GRM7: variants seen among roughly 807,000 people sequenced by gnomAD.
GRM7 encodes the protein glutamate metabotropic receptor 7.
A neutral mutation model predicts 84.5 loss-of-function variants in GRM7; 35 were observed. The observed-to-expected ratio is 0.41, with a 90% CI of 0.32 to 0.55. The LOEUF (loss-of-function observed/expected upper bound fraction) is 0.55. Among genes scored for constraint, GRM7 ranks in the 20% least tolerant of loss-of-function variants. The pLI is 0.19. For synonymous variants in GRM7, 487 were observed against 455.1 expected (o/e 1.07, Z -0.89); for missense variants, 1,003 against 1,194.6 (o/e 0.84, Z 2.36).
chr3:7,646,059 G>A lies in GRM7; in HGVS notation c.2452-33990G>A, dbSNP rs73810845. 6.1e-3 allele frequency among the ~76,000 whole-genome samples: 921 copies of A among 152,188 alleles called. 9 individuals carry two copies. Among genetic ancestry groups the A allele is most frequent in the African/African-American group, 0.021 (875 of 41,522 alleles). ...TCTTGGTTTTGAACTTAAATCTAAC[G>A]AGCAGCTCACGATCTAATGCAAAAG... On this transcript the variant is annotated intron_variant, in intron 8 of 9. Coordinates refer to ENST00000357716, the MANE Select transcript of GRM7 (RefSeq NM_000844.4).
intron 1 of GRM7, among the ~76,000 whole-genome samples, chr3:7,076,509 C>T (rs138093385): frequency 2.0e-5 from 3 of 152,292 alleles, no homozygotes; most frequent in Non-Finnish European, 4.4e-5. Context: ...GCTTCCCCTT[C>T]ACCTTCCACC....
At chr3:7,120,967 T>C (rs1477406005) in intron 1 of GRM7, among the ~76,000 whole-genome samples, 3 of 152,202 alleles carry the variant, frequency 2.0e-5, no homozygotes, top group Non-Finnish European at 2.9e-5. Flanking sequence ...TCGCATCACT[T>C]ACAACACTTT....
chr3:7,644,903 C>G (rs1008849180), intron 8 of GRM7, among the ~76,000 whole-genome samples: 2 of 152,104 alleles, frequency 1.3e-5, no homozygotes, highest in Non-Finnish European at 2.9e-5. Context: ...CTGCTTGGTC[C>G]TAGTGGAGCC....
intron 4 of GRM7, among the ~76,000 whole-genome samples, chr3:7,393,446 G>C (rs563766275): frequency 2.8e-4 from 43 of 152,288 alleles, no homozygotes; most frequent in South Asian, 8.3e-4. Context: ...CTCTCTCACT[G>C]TTTCCCTGTG....
At chr3:6,904,952 G>A (rs191041690) in intron 1 of GRM7, among the ~76,000 whole-genome samples, 2 of 152,076 alleles carry the variant, frequency 1.3e-5, no homozygotes. Context: ...TCAACTCTTG[G>A]CCTCAATTCT....
chr3:7,111,175 G>A (rs1305967702), intron 1 of GRM7, among the ~76,000 whole-genome samples: 2 of 152,024 alleles, frequency 1.3e-5, no homozygotes, highest in East Asian at 3.9e-4. Context: ...CACGGAAGGT[G>A]CTGGTATGTC....
intron 5 of GRM7, among the ~76,000 whole-genome samples, chr3:7,419,379 T>A (rs1696304541): frequency 6.6e-6 from 1 of 152,128 alleles, no homozygotes. Context: ...CACTGTGCAT[T>A]ATAGAGAGCA....
At chr3:7,118,194 T>TG (rs2125041317) in intron 1 of GRM7, among the ~76,000 whole-genome samples, 1 of 152,178 alleles carries the variant, frequency 6.6e-6, no homozygotes, top group East Asian at 1.9e-4. Context: ...GAGACCAGCC[T>TG]GGGTATCATA....
At chr3:7,550,428 CCCT>C (rs1693397359) in intron 7 of GRM7, among the ~76,000 whole-genome samples, 1 of 139,540 alleles carries the variant, frequency 7.2e-6, no homozygotes, top group Non-Finnish European at 1.5e-5. Flanking sequence ...CTCCCTCCCT[CCCT>C]CCCTTCCTTT....
At chr3:7,203,687 G>A (rs1182747029) in intron 2 of GRM7, among the ~76,000 whole-genome samples, 1 of 152,070 alleles carries the variant, frequency 6.6e-6, no homozygotes, top group Non-Finnish European at 1.5e-5. Context: ...TTCCATAGTG[G>A]TTGCACTAAC....
chr3:7,374,721 C>T (rs1694275065), intron 4 of GRM7, among the ~76,000 whole-genome samples: 1 of 149,606 alleles, frequency 6.7e-6, no homozygotes, highest in African/African-American at 2.5e-5. Flanking sequence ...GAACTCCTAA[C>T]CTCAGGTGAT....
In GRM7 at chr3:6,985,578, T is replaced by C. The variant is rs555437854; in HGVS notation, c.519+123671T>C. On this transcript the variant is annotated intron_variant, in intron 1 of 9. Coordinates refer to ENST00000357716, the MANE Select transcript of GRM7 (RefSeq NM_000844.4). The stretch of plus-strand genomic sequence containing the variant: ...TGCCTGATGGATCTTGTGTTATAGA[T>C]GGAGAAACTGAAGCTCAAAGTGGCA... Among the ~76,000 whole-genome samples, 68 of 152,358 alleles carry C rather than the reference T, an allele frequency of 4.5e-4. 1 individual carries two copies. The highest frequency in any genetic ancestry group is 1.6e-3 in the African/African-American group (67 of 41,590).
chr3:7,706,517 C>T (rs1701393193), intron 9 of GRM7, among the ~76,000 whole-genome samples: 2 of 152,108 alleles, frequency 1.3e-5, no homozygotes, highest in African/African-American at 4.8e-5. Context: ...TCAATGAAAG[C>T]TGTTATACTA....
At chr3:7,133,761 C>A (rs780507739) in intron 1 of GRM7, among the ~76,000 whole-genome samples, 14 of 152,002 alleles carry the variant, frequency 9.2e-5, no homozygotes, top group Non-Finnish European at 2.1e-4. Flanking sequence ...GGGATTAATC[C>A]TAGGTTACTG....
At position 7,221,642 on chromosome 3, in the gene GRM7, T is replaced by C. The variant is rs201980358; in HGVS notation, c.736+74974T>C. ...TCTTTTTTATACTTCTTTTCATTTA[T>C]TGTCTCTACTGATATATTAATTTTA... is the stretch of plus-strand genomic sequence containing the variant. On this transcript the variant is annotated intron_variant, in intron 2 of 9. Coordinates refer to ENST00000357716, the MANE Select transcript of GRM7 (RefSeq NM_000844.4). Among the ~76,000 whole-genome samples the C allele has an allele frequency of 9.2e-5, 14 of 151,956 alleles. No individual in the cohort carries two copies. In the East Asian group the frequency reaches 2.7e-3, roughly 29 times the overall value.
intron 8 of GRM7, among the ~76,000 whole-genome samples, chr3:7,610,210 C>A (rs78601352): frequency 6.6e-6 from 1 of 152,072 alleles, no homozygotes; most frequent in Non-Finnish European, 1.5e-5. Context: ...TAATCCTTAG[C>A]GGTCCAGTTA....
At chr3:7,415,902 G>T (rs577843279) in intron 5 of GRM7, among the ~76,000 whole-genome samples, 1 of 152,244 alleles carries the variant, frequency 6.6e-6, no homozygotes, top group East Asian at 1.9e-4. Context: ...TCCATGTTCT[G>T]AGTGTTATGA....
intron 9 of GRM7, among the ~76,000 whole-genome samples, chr3:7,727,951 G>C (rs1023064160): frequency 1.3e-5 from 2 of 152,270 alleles, no homozygotes. Context: ...GCTAAGCCTA[G>C]TTGGATTCCA....
chr3:7,124,312 C>T (rs1413262494), intron 1 of GRM7, among the ~76,000 whole-genome samples: 4 of 152,072 alleles, frequency 2.6e-5, no homozygotes, highest in Non-Finnish European at 2.9e-5. Flanking sequence ...ATTGATAGAG[C>T]GGGTCCTTTT....
Sources: gnomAD v4.1 joint callset for allele counts (sites outside exome capture counted in the v4.1 genomes callset) on GRCh38, gnomAD v4.1.1 for gene constraint, MANE v1.5 for transcripts, NCBI Gene and HGNC (gene_info 2026-07-23, HGNC 2026-07-21) for gene names.